The following CUTC variants were observed in gnomAD, a reference collection of about 807,000 sequenced individuals.
The protein encoded by CUTC is cutC copper transporter.
CUTC carries 27 observed loss-of-function variants against 36.2 expected under a neutral mutation model. The observed-to-expected ratio is 0.75, with a 90% CI of 0.55 to 1.03. The LOEUF is 1.03. Among genes scored for constraint, CUTC ranks in the 50% least tolerant of loss-of-function variants. CUTC has a pLI of 0.00. For missense variants in CUTC, 315 were observed against 343.5 expected, an observed-to-expected ratio of 0.92 and a Z score of 0.66; for synonymous variants, 114 against 118.3, an observed-to-expected ratio of 0.96 and a Z score of 0.24.
At chr10:99,744,549 G>C (rs2037364748) in intron 5 of CUTC, among the ~76,000 whole-genome samples, 1 of 152,180 alleles carries the variant, frequency 6.6e-6, no homozygotes, top group Non-Finnish European at 1.5e-5. Flanking sequence ...AGAAAGTTGG[G>C]TATCTGGAGA....
intron 6 of CUTC, 131 bp downstream of exon 6, chr10:99,747,521 A>G (rs562531263): frequency 2.5e-5 from 23 of 920,486 alleles, no homozygotes; most frequent in African/African-American, 3.3e-5. Context: ...CAAGCAGGCA[A>G]TAATGTATAT....
intron 3 of CUTC, among the ~76,000 whole-genome samples, chr10:99,742,362 CA>C (rs2037347766): frequency 6.6e-6 from 1 of 152,124 alleles, no homozygotes; most frequent in Non-Finnish European, 1.5e-5. Context: ...TTTGTATACA[CA>C]ACAGCCCTTT....
chr10:99,742,113 A>G (rs762166189), intron 3 of CUTC, among the ~76,000 whole-genome samples: 5 of 152,214 alleles, frequency 3.3e-5, no homozygotes, highest in Non-Finnish European at 5.9e-5. Flanking sequence ...TTGACTTACT[A>G]ACTTCATTGT....
chr10:99,750,477 GAGAGT>G, intron 7 of CUTC, 81 bp downstream of exon 7: 8 of 1,018,308 alleles, frequency 7.9e-6, no homozygotes, highest in African/African-American at 1.7e-5. Flanking sequence ...AAATGTGAGA[GAGAGT>G]ATTAGTACAT....
At chr10:99,736,953 A>G (rs2037301899) in intron 2 of CUTC, among the ~76,000 whole-genome samples, 1 of 152,090 alleles carries the variant, frequency 6.6e-6, no homozygotes, top group Non-Finnish European at 1.5e-5. Flanking sequence ...TTTATCACTT[A>G]TTTTATTTTT....
chr10:99,737,678 A>G (rs937596923), intron 2 of CUTC, among the ~76,000 whole-genome samples: 1 of 152,314 alleles, frequency 6.6e-6, no homozygotes, highest in Admixed American at 6.5e-5. Context: ...AAAAGAATAC[A>G]AAAACATTCT....
intron 5 of CUTC, 135 bp from the exon 6 acceptor site, chr10:99,747,122 C>T (rs971547644): frequency 2.1e-6 from 2 of 939,724 alleles, no homozygotes; most frequent in African/African-American, 1.7e-5. Context: ...TTGCAGAATT[C>T]TTGAGTGTTT....
rs967957929 is a variant in CUTC at position 99,732,287 on chromosome 10, G to T, written c.-62G>T. The T allele has an allele frequency of 5.2e-6, 8 of 1,547,876 alleles. No homozygotes were observed. The Middle Eastern group carries it at 5.5e-4, about 107-fold the overall frequency. On this transcript the variant is annotated 5_prime_UTR_variant, in exon 1 of 9. Coordinates refer to ENST00000370476, the MANE Select transcript of CUTC (RefSeq NM_015960.3). ...GCTGTTGACGCGCTTCTTAGCTGGT[G>T]CGCGCCGGAGCCCAAATTCCAAGTG...
At chr10:99,736,680 T>G (rs2037299382) in intron 2 of CUTC, among the ~76,000 whole-genome samples, 1 of 152,218 alleles carries the variant, frequency 6.6e-6, no homozygotes, top group Admixed American at 6.5e-5. Flanking sequence ...AAGTTTCTGT[T>G]GTACTCTGAA....
chr10:99,743,382 A>T lies in CUTC; in HGVS notation c.403+20A>T. ...TTATGGGTAAGAATTTGTATCTAAG[A>T]CGTAAAAGCCTCTAATGATAATTGT... On this transcript the variant is annotated intron_variant, in intron 4 of 8. Transcript: ENST00000370476. 2 of 1,592,792 alleles carry T rather than the reference A, an allele frequency of 1.3e-6. No homozygotes were observed. The highest frequency in any genetic ancestry group is 8.6e-7 in the Non-Finnish European group (1 of 1,160,726).
intron 7 of CUTC, among the ~76,000 whole-genome samples, chr10:99,753,836 G>C (rs2037436417): frequency 6.6e-6 from 1 of 152,100 alleles, no homozygotes; most frequent in African/African-American, 2.4e-5. Flanking sequence ...GAGATACAAA[G>C]TACATAGTTT....
In CUTC at chr10:99,732,251, G is replaced by A; in HGVS notation, c.-98G>A. On this transcript the variant is annotated 5_prime_UTR_variant, in exon 1 of 9. Coordinates refer to ENST00000370476, the MANE Select transcript of CUTC (RefSeq NM_015960.3). ...GCGTAGGTGTCGGGGACGCGCGCAC[G>A]GGCGCGCGCAGCTGTTGACGCGCTT... is the stretch of plus-strand genomic sequence containing the variant. The A allele has an allele frequency of 6.6e-7, 1 of 1,524,826 alleles. No homozygotes were observed. Among genetic ancestry groups the A allele is most frequent in the Non-Finnish European group, 8.8e-7 (1 of 1,135,788 alleles). 94.5% of individuals were successfully genotyped at this position (1,524,826 alleles called of 1,614,324 possible).
At chr10:99,741,732 A>ATTTG (rs531403647) in intron 3 of CUTC, among the ~76,000 whole-genome samples, 26 of 151,888 alleles carry the variant, frequency 1.7e-4, no homozygotes, top group African/African-American at 4.8e-4. Context: ...GTCCAGCTAC[A>ATTTG]TTTGTTTGTT....
chr10:99,747,824 A>G (rs1399640102), intron 6 of CUTC, among the ~76,000 whole-genome samples: 1 of 152,166 alleles, frequency 6.6e-6, no homozygotes, highest in East Asian at 1.9e-4. Context: ...CCCAGCCAGC[A>G]TTGCAGTTTT....
intron 5 of CUTC, among the ~76,000 whole-genome samples, chr10:99,746,277 A>C (rs2037376989): frequency 6.6e-6 from 1 of 152,162 alleles, no homozygotes; most frequent in Non-Finnish European, 1.5e-5. Flanking sequence ...ACCAAATACC[A>C]CATGTTCTCA....
intron 7 of CUTC, among the ~76,000 whole-genome samples, chr10:99,751,522 A>G (rs2037417588): frequency 6.7e-6 from 1 of 149,064 alleles, no homozygotes; most frequent in East Asian, 2.0e-4. Context: ...TTTAATATAG[A>G]TGTTTTTCCT....
chr10:99,753,436 G>T (rs1433124766), intron 7 of CUTC, among the ~76,000 whole-genome samples: 1 of 152,108 alleles, frequency 6.6e-6, no homozygotes, highest in Non-Finnish European at 1.5e-5. Context: ...CTGAGACAGG[G>T]TCTCACTGTG....
chr10:99,753,872 G>A (rs138071519), intron 7 of CUTC, among the ~76,000 whole-genome samples: 3 of 152,288 alleles, frequency 2.0e-5, no homozygotes, highest in Non-Finnish European at 4.4e-5. Flanking sequence ...ATCCTATAGG[G>A]AGATAAGGAT....
At chr10:99,753,924 T>C (rs1297839928) in intron 7 of CUTC, among the ~76,000 whole-genome samples, 1 of 152,218 alleles carries the variant, frequency 6.6e-6, no homozygotes, top group Non-Finnish European at 1.5e-5. Context: ...GATACACTAG[T>C]ATCAGTTCAG....
Sources: allele counts gnomAD v4.1 joint callset (sites outside exome capture counted in the v4.1 genomes callset), GRCh38; gene constraint gnomAD v4.1.1; transcripts MANE v1.5; gene names NCBI Gene and HGNC (gene_info 2026-07-23, HGNC 2026-07-21).